NR1H4: variants seen among roughly 807,000 people sequenced by gnomAD.
The protein encoded by NR1H4 is bile acid receptor.
A neutral mutation model predicts 58.5 loss-of-function variants in NR1H4; 23 were observed. The observed-to-expected ratio is 0.39, with a 90% CI of 0.28 to 0.56. The LOEUF (loss-of-function observed/expected upper bound fraction) is 0.56. Among genes scored for constraint, NR1H4 ranks in the 20% least tolerant of loss-of-function variants. The pLI is 0.58. For missense variants in NR1H4, 487 were observed against 576.9 expected, an observed-to-expected ratio of 0.84 and a Z score of 1.60; for synonymous variants, 214 against 198.0, an observed-to-expected ratio of 1.08 and a Z score of -0.68.
At chr12:100,550,836 A>T (rs536715541) in intron 9 of NR1H4, among the ~76,000 whole-genome samples, 2 of 152,324 alleles carry the variant, frequency 1.3e-5, no homozygotes, top group African/African-American at 4.8e-5. Context: ...AGAATTTACC[A>T]GTATGACAAT....
chr12:100,546,408 G>A (rs560833016), intron 9 of NR1H4, among the ~76,000 whole-genome samples: 6 of 152,052 alleles, frequency 3.9e-5, no homozygotes, highest in South Asian at 2.1e-4. Context: ...CCAAATCAAC[G>A]TCCATTGCCG....
intron 3 of NR1H4, among the ~76,000 whole-genome samples, chr12:100,509,570 C>G (rs1378330191): frequency 6.6e-6 from 1 of 152,118 alleles, no homozygotes; most frequent in East Asian, 1.9e-4. Flanking sequence ...CTTACATCAA[C>G]CCAATGAGGT....
chr12:100,547,883 G>C lies in NR1H4; in HGVS notation c.1078+7065G>C, dbSNP rs1355367324. On this transcript the variant is annotated intron_variant, in intron 9 of 10. Coordinates refer to ENST00000392986, the MANE Select transcript of NR1H4 (RefSeq NM_001206979.2). ...CTACCGGGGCGTGCCCCCATGCTTG[G>C]CTAATTTTTTGTATTTTTAGTAGAG... is the stretch of plus-strand genomic sequence containing the variant. Among the ~76,000 whole-genome samples the C allele has an allele frequency of 2.0e-5, 3 of 151,102 alleles. No homozygotes were observed. The East Asian group carries it at 6.0e-4, about 30-fold the overall frequency.
intron 3 of NR1H4, among the ~76,000 whole-genome samples, chr12:100,507,743 G>A (rs149803215): frequency 0.033 from 5,016 of 152,232 alleles, 274 homozygotes; most frequent in African/African-American, 0.12. Context: ...GATTACAGGC[G>A]TGAGCCACTG....
At chr12:100,556,273 G>C (rs1387367069) in intron 9 of NR1H4, among the ~76,000 whole-genome samples, 1 of 151,964 alleles carries the variant, frequency 6.6e-6, no homozygotes, top group Non-Finnish European at 1.5e-5. Flanking sequence ...TTCGAGACCA[G>C]CCTGACCAAC....
At chr12:100,519,112 G>A (rs1954345327) in intron 4 of NR1H4, among the ~76,000 whole-genome samples, 1 of 152,122 alleles carries the variant, frequency 6.6e-6, no homozygotes, top group South Asian at 2.1e-4. Context: ...TTAAGGGTTG[G>A]TGTACGAATT....
At chr12:100,498,366 C>A (rs146203353) in intron 3 of NR1H4, among the ~76,000 whole-genome samples, 5 of 152,094 alleles carry the variant, frequency 3.3e-5, no homozygotes, top group Non-Finnish European at 5.9e-5. Flanking sequence ...AGGCTGGGCG[C>A]GGGGGCTCAT....
intron 4 of NR1H4, among the ~76,000 whole-genome samples, chr12:100,514,246 ACACTGTATTAG>A (rs1314567895): frequency 6.6e-6 from 1 of 152,210 alleles, no homozygotes; most frequent in Non-Finnish European, 1.5e-5. Flanking sequence ...GTTAGGTGGG[ACACTGTATTAG>A]CTGGCTTCTG....
intron 3 of NR1H4, among the ~76,000 whole-genome samples, chr12:100,505,101 CAA>C (rs78818440): frequency 1.4e-5 from 2 of 140,770 alleles, no homozygotes; most frequent in African/African-American, 2.6e-5. Flanking sequence ...TAAAGGAAGG[CAA>C]AAAAAAAAAG....
rs17030297 is a variant in NR1H4, at chr12:100,541,013, A to G, written c.1078+195A>G. ...TGGTTCAAATATCTCTGTTGTAATA[A>G]CAAAGTAGCAAAACTACCCCTTTAC... On this transcript the variant is annotated intron_variant, in intron 9 of 10. Coordinates refer to ENST00000392986, the MANE Select transcript of NR1H4 (RefSeq NM_001206979.2). Among the ~76,000 whole-genome samples, 19,248 of 152,134 alleles carry G rather than the reference A, an allele frequency of 0.13. 2,848 individuals carry two copies. The highest frequency in any genetic ancestry group is 0.36 in the African/African-American group (14,856 of 41,432).
At chr12:100,516,674 G>A (rs576400117) in intron 4 of NR1H4, among the ~76,000 whole-genome samples, 2 of 152,198 alleles carry the variant, frequency 1.3e-5, no homozygotes, top group South Asian at 4.1e-4. Flanking sequence ...CCGATGACAT[G>A]CTAATTCTTA....
chr12:100,507,923 A>ATTCTAAT, intron 3 of NR1H4, among the ~76,000 whole-genome samples: 1 of 152,270 alleles, frequency 6.6e-6, no homozygotes, highest in African/African-American at 2.4e-5. Flanking sequence ...AGTGTAGAAA[A>ATTCTAAT]GCCCTAAATT....
intron 1 of NR1H4, among the ~76,000 whole-genome samples, chr12:100,482,319 G>A (rs1593034975): frequency 6.6e-6 from 1 of 151,882 alleles, no homozygotes; most frequent in Non-Finnish European, 1.5e-5. Flanking sequence ...ATCCTTCTTC[G>A]GCTCTTGTGT....
At chr12:100,552,974 A>G (rs1208580614) in intron 9 of NR1H4, among the ~76,000 whole-genome samples, 2 of 151,238 alleles carry the variant, frequency 1.3e-5, no homozygotes, top group African/African-American at 4.9e-5. Context: ...CATGGCAGCC[A>G]CTGGAGATAA....
chr12:100,561,057 A>G (rs1955459524), intron 9 of NR1H4, among the ~76,000 whole-genome samples: 1 of 152,200 alleles, frequency 6.6e-6, no homozygotes, highest in Non-Finnish European at 1.5e-5. Flanking sequence ...GATGCTTAGT[A>G]GGTAATGGCT....
At chr12:100,521,055 G>A (rs1316023657) in intron 4 of NR1H4, among the ~76,000 whole-genome samples, 1 of 151,654 alleles carries the variant, frequency 6.6e-6, no homozygotes. Context: ...CAGCTCTCTT[G>A]CTTTAGTATT....
chr12:100,496,606 C>CATTT (rs1325562700), intron 3 of NR1H4, among the ~76,000 whole-genome samples: 25 of 152,262 alleles, frequency 1.6e-4, no homozygotes, highest in Non-Finnish European at 2.8e-4. Context: ...AATTCTAGGA[C>CATTT]ATTTACTCAA....
Position 100,553,324 on chromosome 12 carries a change from G to A in NR1H4, c.1079-8561G>A, listed in dbSNP as rs1048689555. ...ATTCCCACTCTTATAAAATGTATAT[G>A]GTATTTCACACTCCAGTGAGAAGGA... On this transcript the variant is annotated intron_variant, in intron 9 of 10. Transcript: ENST00000392986. 4.1e-4 allele frequency among the ~76,000 whole-genome samples: 62 copies of A among 152,090 alleles called. 1 individual carries two copies. Among genetic ancestry groups the A allele is most frequent in the African/African-American group, 1.4e-3 (60 of 41,430 alleles).
intron 4 of NR1H4, chr12:100,525,081 T>A (rs1954523524): frequency 6.6e-6 from 1 of 152,210 alleles, no homozygotes. Context: ...TATGCTTAAA[T>A]GGAAACTTCT....
Sources: allele counts gnomAD v4.1 joint callset (sites outside exome capture counted in the v4.1 genomes callset), GRCh38; gene constraint gnomAD v4.1.1; transcripts MANE v1.5; gene names NCBI Gene and HGNC (gene_info 2026-07-23, HGNC 2026-07-21).